HAGHL: variants seen among roughly 807,000 people sequenced by gnomAD.
The protein encoded by HAGHL is hydroxyacylglutathione hydrolase like.
Under a neutral mutation model 29.2 loss-of-function variants are expected in HAGHL, and 27 were observed. The observed-to-expected ratio is 0.92, with a 90% CI of 0.68 to 1.27. HAGHL has a LOEUF of 1.27. Among genes scored for constraint, HAGHL ranks in the 50% most tolerant of loss-of-function variants. The pLI, the probability that HAGHL is intolerant of heterozygous loss-of-function variation, is 0.00. For missense variants in HAGHL, 529 were observed against 405.5 expected, an observed-to-expected ratio of 1.30 and a Z score of -2.62; for synonymous variants, 223 against 185.7, an observed-to-expected ratio of 1.20 and a Z score of -1.63.
Position 728,308 on chromosome 16 carries a change from C to T in HAGHL, c.289-8C>T, listed in dbSNP as rs2151591798. On this transcript the variant is annotated splice_region_variant and splice_polypyrimidine_tract_variant and intron_variant, in intron 3 of 7. Transcript: ENST00000389703. ...GCCCTCACAGGTCCGCCTGCTCCTC[C>T]GCCGCAGTTCGGGGCCATCCACGTG... 4 of 1,537,450 alleles carry T rather than the reference C, an allele frequency of 2.6e-6. No homozygotes were observed. Among genetic ancestry groups the T allele is most frequent in the East Asian group, 4.9e-5 (2 of 40,410 alleles).
In HAGHL at chr16:729,324, C is replaced by T. The variant is rs1027673097; in HGVS notation, c.717C>T (p.Val239=). 1 of 1,532,910 alleles carries T rather than the reference C, an allele frequency of 6.5e-7. No individual in the cohort carries two copies. The highest frequency in any genetic ancestry group is 1.4e-5 in the African/African-American group (1 of 72,276). 95.0% of individuals were successfully genotyped at this position (1,532,910 alleles called of 1,614,324 possible). ...TGCGCAAGTTCACGGGCAAGGCGGT[C>T]CCCGCCGACGTCCTGGAGGCGCTAT... is the stretch of plus-strand genomic sequence containing the variant. The part of the protein sequence containing the change: ...EPVRKFTGKA[V]PADVLEALCK... Residue 239 remains valine (V), a synonymous_variant, in exon 8 of 8, where the codon GTC becomes GTT. Coordinates refer to ENST00000389703, the MANE Select transcript of HAGHL (RefSeq NM_032304.4).
rs1204886716 is a variant in HAGHL, at chr16:728,512, C to G, written c.406C>G (p.Leu136Val). The G allele has an allele frequency of 1.3e-6, 2 of 1,531,306 alleles. No individual in the cohort carries two copies. Among genetic ancestry groups the G allele is most frequent in the Non-Finnish European group, 1.7e-6 (2 of 1,144,816 alleles). The allele number at this position is 1,531,306 out of a possible 1,614,324, so 94.9% of individuals were successfully genotyped here. A position where few individuals can be genotyped will look rare whatever the true frequency, so the allele number is the denominator to read the frequency against. ...CCGCCCTCCCCCGCCAGGCGACGCG[C>G]TGTCGGTGGCCGGCTGCGGCTCGTG... The part of the protein sequence containing the change: ...DPPALFSGDA[L>V]SVAGCGSCLE... The change falls in exon 5 of 8, where the codon CTG becomes GTG. Residue 136 changes from leucine to valine, a missense_variant. Physicochemically the swap from Leu to Val is conservative, Grantham distance 32. Coordinates refer to ENST00000389703, the MANE Select transcript of HAGHL (RefSeq NM_032304.4).
At position 728,903 on chromosome 16, in the gene HAGHL, C is replaced by A. The variant is rs113573718; in HGVS notation, c.600+8C>A. The A allele has an allele frequency of 8.9e-6, 14 of 1,577,474 alleles. 1 individual carries two copies. In the South Asian group the frequency reaches 1.6e-4, roughly 18 times the overall value. ...AAGCTGTCCTGGGCTAAGGCACGGC[C>A]CCTTTCCCGCCGCGGCAAGAGGGTG... On this transcript the variant is annotated splice_region_variant and intron_variant, in intron 6 of 7. Transcript: ENST00000389703.
rs200790195 is a variant in HAGHL at position 728,816 on chromosome 16, A to C, written c.521A>C (p.His174Pro). ...CAGAAGGTGTTCTGCGGCCACGAGC[A>C]CACGCTTAGCAACCTGGAGTTTGCC... ...PETKVFCGHE[H>P]TLSNLEFAQK... Residue 174 changes from histidine (H) to proline (P), a missense_variant, in exon 6 of 8, where the codon CAC (histidine) becomes CCC (proline). His to Pro is a moderately conservative substitution (Grantham distance 77, BLOSUM62 -2). Transcript: ENST00000389703. 6 of 1,611,928 alleles carry C rather than the reference A, an allele frequency of 3.7e-6. No individual in the cohort carries two copies. In the African/African-American group the frequency reaches 6.7e-5, roughly 18 times the overall value.
At position 727,165 on chromosome 16, in the gene HAGHL, G is replaced by A. The variant is rs559316393; in HGVS notation, c.-345G>A. On this transcript the variant is annotated 5_prime_UTR_variant, in exon 1 of 8. Transcript: ENST00000389703. ...GGTGAGGCGGGCGGCGGGGGAACGC[G>A]GCTGTCCCGGGTCAGGGGTCTTGCG... 4.7e-6 allele frequency: 1 copy of A among 211,610 alleles called. No homozygotes were observed. The highest frequency in any genetic ancestry group is 9.3e-6 in the Non-Finnish European group (1 of 107,348). 13.1% of individuals were successfully genotyped at this position (211,610 alleles called of 1,614,324 possible).
At position 727,557 on chromosome 16, in the gene HAGHL, G is replaced by T; in HGVS notation, c.48G>T (p.Leu16=). Reference sequence around the variant, plus strand: ...TGCTCGAGGACAACTACATGTACCTGGTCATCGAGGAGCTCACGCGCGAGG... The same window carrying T: ...TGCTCGAGGACAACTACATGTACCTTGTCATCGAGGAGCTCACGCGCGAGG... ...IPVLEDNYMY[L]VIEELTREAV... Residue 16 remains leucine, a synonymous_variant, in exon 1 of 8, where the codon CTG becomes CTT. Transcript: ENST00000389703. The T allele has an allele frequency of 6.2e-7, 1 of 1,612,020 alleles. No individual in the cohort carries two copies.
At chr16:729,130 A>C (rs1253961383) in intron 7 of HAGHL, 42 bp downstream of exon 7, 1 of 1,601,156 alleles carries the variant, frequency 6.2e-7, no homozygotes, top group Admixed American at 1.7e-5. Flanking sequence ...CGTTACGTGG[A>C]CCCTTAGGAA....
In HAGHL at chr16:729,415, G is replaced by A. The variant is rs577972426; in HGVS notation, c.808G>A (p.Ala270Thr). 6.5e-6 allele frequency: 10 copies of A among 1,532,112 alleles called. No individual in the cohort carries two copies. In the East Asian group the frequency reaches 1.2e-4, roughly 19 times the overall value. The allele number at this position is 1,532,112 out of a possible 1,614,324, so 94.9% of individuals were successfully genotyped here. A position where few individuals can be genotyped will look rare whatever the true frequency, so the allele number is the denominator to read the frequency against. Residue 270 changes from alanine (A) to threonine (T), a missense_variant, in exon 8 of 8, where the codon GCG becomes ACG. Physicochemically the swap from Ala to Thr is moderately conservative, Grantham distance 58 (BLOSUM62 0). Transcript: ENST00000389703. ...GCAGCCACAGGCGCGGGCCCTCCTT[G>A]CGCTGCAGTGGGGGCTCCTGAGTGC... ...PRQPQARALL[A>T]LQWGLLSAAP...
chr16:727,687 C>A, intron 1 of HAGHL, 73 bp downstream of exon 1: 1 of 981,962 alleles, frequency 1.0e-6, no homozygotes, highest in Non-Finnish European at 1.6e-6. Flanking sequence ...CTGGTAGGAG[C>A]GAGCCCCCAC....
rs998530881 is a variant in HAGHL at position 727,315 on chromosome 16, C to G, written c.-195C>G. ...CGGCCGGGTTCCGCTCCTGCTGGAG[C>G]CCGGTGCGTGGAATTCCACGCGAGT... On this transcript the variant is annotated 5_prime_UTR_variant, in exon 1 of 8. Coordinates refer to ENST00000389703, the MANE Select transcript of HAGHL (RefSeq NM_032304.4). 1.9e-6 allele frequency: 1 copy of G among 517,474 alleles called. No homozygotes were observed. The highest frequency in any genetic ancestry group is 3.5e-6 in the Non-Finnish European group (1 of 287,504). The allele number at this position is 517,474 out of a possible 1,614,324, so 32.1% of individuals were successfully genotyped here. A position where few individuals can be genotyped will look rare whatever the true frequency, so the allele number is the denominator to read the frequency against.
At position 729,666 on chromosome 16, in the gene HAGHL, G is replaced by A; in HGVS notation, c.*210G>A. On this transcript the variant is annotated 3_prime_UTR_variant, in exon 8 of 8. Coordinates refer to ENST00000389703, the MANE Select transcript of HAGHL (RefSeq NM_032304.4). The stretch of plus-strand genomic sequence containing the variant: ...TGGGCGCCGAGACCTGGGTGTCTGG[G>A]AAGTGGGGCACACGGGGCCTCCGAA... The A allele has an allele frequency of 2.0e-6, 3 of 1,509,818 alleles. No homozygotes were observed. Among genetic ancestry groups the A allele is most frequent in the South Asian group, 2.5e-5 (2 of 81,184 alleles). The allele number at this position is 1,509,818 out of a possible 1,614,324, so 93.5% of individuals were successfully genotyped here.
At position 729,693 on chromosome 16, in the gene HAGHL, T is replaced by G; in HGVS notation, c.*237T>G. The G allele has an allele frequency of 6.7e-7, 1 of 1,487,620 alleles. No homozygotes were observed. Among genetic ancestry groups the G allele is most frequent in the Non-Finnish European group, 8.9e-7 (1 of 1,124,040 alleles). 92.2% of individuals were successfully genotyped at this position (1,487,620 alleles called of 1,614,324 possible). On this transcript the variant is annotated 3_prime_UTR_variant, in exon 8 of 8. Coordinates refer to ENST00000389703, the MANE Select transcript of HAGHL (RefSeq NM_032304.4). The stretch of plus-strand genomic sequence containing the variant: ...AGTGGGGCACACGGGGCCTCCGAAC[T>G]ATGAATAAAGCTTTGAAAGGCCGTT...
In HAGHL at chr16:729,508, G is replaced by T. The variant is rs1372289618; in HGVS notation, c.*52G>T. On this transcript the variant is annotated 3_prime_UTR_variant, in exon 8 of 8. Transcript: ENST00000389703. ...GCCTGCGTCCCTCCTCGTGACCTCG[G>T]CCAGCTGGACCCACATGAGGGCCAC... The T allele has an allele frequency of 9.1e-6, 14 of 1,535,966 alleles. No individual in the cohort carries two copies. The South Asian group carries it at 1.7e-4, about 18-fold the overall frequency.
intron 6 of HAGHL, 52 bp downstream of exon 6, chr16:728,947 T>G: frequency 4.9e-6 from 3 of 618,486 alleles, no homozygotes; most frequent in Non-Finnish European, 8.2e-6. Context: ...GGGAACAGGC[T>G]TCGGGGTGGG....
Position 728,224 on chromosome 16 carries a change from G to A in HAGHL, c.279G>A (p.Glu93=). Residue 93 remains glutamate (E), a synonymous_variant, in exon 3 of 8, where the codon GAG becomes GAA. Coordinates refer to ENST00000389703, the MANE Select transcript of HAGHL (RefSeq NM_032304.4). The stretch of plus-strand genomic sequence containing the variant: ...TGACGCGCAGGCTGGCGCACGGCGA[G>A]GAGCTGCGGGTGAGCGCGCGCTCCC... ...FSLTRRLAHG[E]ELRFGAIHVR... is the part of the protein sequence containing the mutation. 6.8e-7 allele frequency: 1 copy of A among 1,465,414 alleles called. No individual in the cohort carries two copies. The allele number at this position is 1,465,414 out of a possible 1,614,324, so 90.8% of individuals were successfully genotyped here. A position where few individuals can be genotyped will look rare whatever the true frequency, so the allele number is the denominator to read the frequency against.
chr16:728,050 G>C, intron 2 of HAGHL, 21 bp downstream of exon 2: 1 of 1,576,696 alleles, frequency 6.3e-7, no homozygotes, highest in Admixed American at 1.8e-5. Flanking sequence ...GCGGGGCGCG[G>C]GGAGGCACGA....
In HAGHL at chr16:728,498, C is replaced by T. The variant is rs1400569236; in HGVS notation, c.398-6C>T. On this transcript the variant is annotated splice_region_variant and splice_polypyrimidine_tract_variant and intron_variant, in intron 4 of 7. Transcript: ENST00000389703. ...CCATCTGCTCTGACCCGCCCTCCCC[C>T]GCCAGGCGACGCGCTGTCGGTGGCC... 1 of 1,528,398 alleles carries T rather than the reference C, an allele frequency of 6.5e-7. No individual in the cohort carries two copies. Among genetic ancestry groups the T allele is most frequent in the South Asian group, 1.2e-5 (1 of 83,486 alleles). 94.7% of individuals were successfully genotyped at this position (1,528,398 alleles called of 1,614,324 possible). A position where few individuals can be genotyped will look rare whatever the true frequency, so the allele number is the denominator to read the frequency against.
Position 729,027 on chromosome 16 carries a change from G to T in HAGHL, c.619G>T (p.Val207Leu). ...ACTCCAGAAGAGGGATGAGGATGACGTGCCCACTGTGCCGTCGACTCTGGG... is the reference window on the plus strand; with the variant it reads ...ACTCCAGAAGAGGGATGAGGATGACTTGCCCACTGTGCCGTCGACTCTGGG... ...SWAKKRDEDD[V>L]PTVPSTLGEE... Residue 207 changes from valine to leucine, a missense_variant, in exon 7 of 8, where the codon GTG becomes TTG. Val to Leu is a conservative substitution (Grantham distance 32). Transcript: ENST00000389703. 3 of 1,609,750 alleles carry T rather than the reference G, an allele frequency of 1.9e-6. No homozygotes were observed. In the South Asian group the frequency reaches 3.3e-5, roughly 18 times the overall value.
rs1325758758 is a variant in HAGHL at position 729,062 on chromosome 16, C to T, written c.654C>T (p.Arg218=). The change falls in exon 7 of 8, where the codon CGC becomes CGT. Residue 218 remains arginine, a synonymous_variant. Transcript: ENST00000389703. ...TGCCGTCGACTCTGGGCGAGGAGCG[C>T]CTCTACAACCCCTTCCTGCGGGTGG... ...PTVPSTLGEE[R]LYNPFLRVAE... is the part of the protein sequence containing the mutation. 6.2e-7 allele frequency: 1 copy of T among 1,609,998 alleles called. No homozygotes were observed. Among genetic ancestry groups the T allele is most frequent in the Non-Finnish European group, 8.5e-7 (1 of 1,179,768 alleles).
Sources: allele counts gnomAD v4.1 joint callset, GRCh38; gene constraint gnomAD v4.1.1; transcripts MANE v1.5; gene names NCBI Gene and HGNC (gene_info 2026-07-23, HGNC 2026-07-21).